The following LATS2 variants were observed in gnomAD, a reference collection of about 807,000 sequenced individuals.
LATS2 encodes the protein large tumor suppressor kinase 2.
A neutral mutation model predicts 76.0 loss-of-function variants in LATS2; 24 were observed. The ratio of observed to expected loss-of-function variants is 0.32; its 90% CI spans 0.23 to 0.44. The LOEUF is 0.44. LATS2 is among the 20% of genes least tolerant of loss of function. LATS2 has a pLI of 1.00. For synonymous variants in LATS2, 692 were observed against 635.4 expected (o/e 1.09, Z -1.34); for missense variants, 1,286 against 1,481.2 (o/e 0.87, Z 2.16).
At chr13:20,990,079 C>G (rs1056370525) in intron 3 of LATS2, among the ~76,000 whole-genome samples, 2 of 152,228 alleles carry the variant, frequency 1.3e-5, no homozygotes, top group African/African-American at 4.8e-5. Flanking sequence ...GAAGACCACC[C>G]CGATACCTGG....
intron 2 of LATS2, among the ~76,000 whole-genome samples, chr13:21,030,869 A>C (rs1928268): frequency 0.76 from 115,311 of 151,684 alleles, 44,097 homozygotes; most frequent in East Asian, 0.88. Flanking sequence ...CCCCCCATAC[A>C]CCCACCCCTT....
chr13:21,023,832 G>T (rs572879469), intron 2 of LATS2, among the ~76,000 whole-genome samples: 1 of 151,800 alleles, frequency 6.6e-6, no homozygotes, highest in East Asian at 1.9e-4. Context: ...AATTAGCTGG[G>T]CATGGTGGCG....
At chr13:20,993,799 G>A (rs141429193) in intron 2 of LATS2, among the ~76,000 whole-genome samples, 18 of 152,180 alleles carry the variant, frequency 1.2e-4, no homozygotes, top group African/African-American at 2.9e-4. Context: ...TCACGTCTAC[G>A]AAGACTCAAC....
At chr13:21,025,100 G>C (rs1872256657) in intron 2 of LATS2, among the ~76,000 whole-genome samples, 1 of 151,954 alleles carries the variant, frequency 6.6e-6, no homozygotes, top group Non-Finnish European at 1.5e-5. Context: ...CTCCCATGAA[G>C]TCTGTAAGAC....
At chr13:21,057,186 G>T (rs1164989434) in intron 1 of LATS2, among the ~76,000 whole-genome samples, 1 of 152,174 alleles carries the variant, frequency 6.6e-6, no homozygotes, top group Non-Finnish European at 1.5e-5. Flanking sequence ...CTGATCAAGG[G>T]TCTATAGGAT....
chr13:20,988,129 G>C lies in LATS2; in HGVS notation c.1651C>G (p.Pro551Ala), dbSNP rs758948258. 6 of 1,614,116 alleles carry C rather than the reference G, an allele frequency of 3.7e-6. No individual in the cohort carries two copies. The highest frequency in any genetic ancestry group is 5.1e-6 in the Non-Finnish European group (6 of 1,180,056). ...EQSLRAGPNE[P>A]EGGDKSRKSA... ...TTGCGGCTCTTGTCGCCGCCCTCGG[G>C]CTCGTTGGGGCCCGCACGGAGGCTC... Residue 551 changes from proline (P) to alanine (A), a missense_variant, in exon 4 of 8, where the codon CCC (proline) becomes GCC (alanine). By Grantham distance (27) the Pro-to-Ala change is conservative. Transcript: ENST00000382592.
Position 20,988,640 on chromosome 13 carries a change from G to C in LATS2, c.1140C>G (p.Ser380=), listed in dbSNP as rs935357275. The change falls in exon 4 of 8, where the codon TCC becomes TCG. Residue 380 remains serine, a synonymous_variant. Coordinates refer to ENST00000382592, the MANE Select transcript of LATS2 (RefSeq NM_014572.3). ...WPAATLARRD[S]LQKPGLEAPP... Reference sequence around the variant, plus strand: ...GCGCCTCCAGGCCCGGCTTCTGCAGGGAGTCCCGGCGGGCCAGGGTGGCAG... The same window carrying C: ...GCGCCTCCAGGCCCGGCTTCTGCAGCGAGTCCCGGCGGGCCAGGGTGGCAG... 1.9e-6 allele frequency: 3 copies of C among 1,585,512 alleles called. No homozygotes were observed. The highest frequency in any genetic ancestry group is 2.6e-6 in the Non-Finnish European group (3 of 1,174,660).
rs1869560189 is a variant in LATS2, at chr13:20,975,330, G to A, written c.2807C>T (p.Ala936Val). 2 of 1,590,182 alleles carry A rather than the reference G, an allele frequency of 1.3e-6. No homozygotes were observed. The highest frequency in any genetic ancestry group is 2.3e-5 in the South Asian group (2 of 88,030). The change falls in exon 8 of 8, where the codon GCC (alanine) becomes GTC (valine). Residue 936 changes from alanine (A) to valine (V), a missense_variant. Physicochemically the swap from Ala to Val is moderately conservative, Grantham distance 64 (BLOSUM62 0). Coordinates refer to ENST00000382592, the MANE Select transcript of LATS2 (RefSeq NM_014572.3). ...INWENTLHIP[A>V]QVKLSPEARD... ...GGCCTCAGGGCTCAGCTTCACCTGG[G>A]CTGGAATGTGGAGCGTGTTCTCCCA...
chr13:21,004,363 G>A (rs1383453504), intron 2 of LATS2, among the ~76,000 whole-genome samples: 1 of 152,000 alleles, frequency 6.6e-6, no homozygotes, highest in Non-Finnish European at 1.5e-5. Context: ...GAACCCAGGA[G>A]GTGGAGGTTG....
At chr13:21,042,641 C>A (rs1383084833) in intron 2 of LATS2, among the ~76,000 whole-genome samples, 2 of 151,934 alleles carry the variant, frequency 1.3e-5, no homozygotes, top group African/African-American at 4.8e-5. Flanking sequence ...GAGCATTGAC[C>A]TCACCACCAC....
intron 2 of LATS2, among the ~76,000 whole-genome samples, chr13:21,032,199 G>C (rs143590005): frequency 1.8e-4 from 27 of 152,304 alleles, no homozygotes; most frequent in African/African-American, 6.0e-4. Context: ...ATAGGTAAGA[G>C]CTATGTGCTG....
intron 2 of LATS2, among the ~76,000 whole-genome samples, chr13:21,029,160 G>A (rs1015331980): frequency 1.3e-5 from 2 of 152,138 alleles, no homozygotes; most frequent in African/African-American, 4.8e-5. Context: ...AATCTTAGAG[G>A]CAAGTTATTT....
At chr13:20,995,914 A>C (rs1870731378) in intron 2 of LATS2, among the ~76,000 whole-genome samples, 1 of 152,202 alleles carries the variant, frequency 6.6e-6, no homozygotes, top group Non-Finnish European at 1.5e-5. Flanking sequence ...GACTTTGATG[A>C]CTTTGTGTCA....
rs922150241 is a variant in LATS2 at position 21,027,933 on chromosome 13, TTTA to T, written c.342+17749_342+17751del. 1.1e-4 allele frequency among the ~76,000 whole-genome samples: 17 copies of T among 152,166 alleles called. No individual in the cohort carries two copies. The East Asian group carries it at 1.2e-3, about 10-fold the overall frequency. On this transcript the variant is annotated intron_variant, in intron 2 of 7. Transcript: ENST00000382592. ...TTATTTATTTATTAATTTTTTATTTTTTATTATTATTATACTTTTAAGTTTTAG... is the reference window on the plus strand; with the variant it reads ...TTATTTATTTATTAATTTTTTATTTTTTATTATTATACTTTTAAGTTTTAG...
rs141606621 is a variant in LATS2, at chr13:20,974,562, T to A, written c.*308A>T. 2.0e-4 allele frequency: 58 copies of A among 295,784 alleles called. No homozygotes were observed. Among genetic ancestry groups the A allele is most frequent in the African/African-American group, 1.1e-3 (51 of 46,824 alleles). The allele number at this position is 295,784 out of a possible 1,614,324, so 18.3% of individuals were successfully genotyped here. A position where few individuals can be genotyped will look rare whatever the true frequency, so the allele number is the denominator to read the frequency against. On this transcript the variant is annotated 3_prime_UTR_variant, in exon 8 of 8. Coordinates refer to ENST00000382592, the MANE Select transcript of LATS2 (RefSeq NM_014572.3). ...CAGCAGCATGATTTGTCAAAGTTAA[T>A]CCCTATAATTTAGTAAGAAAAAATG... is the stretch of plus-strand genomic sequence containing the variant.
At chr13:20,997,671 C>T (rs1410946856) in intron 2 of LATS2, among the ~76,000 whole-genome samples, 2 of 152,238 alleles carry the variant, frequency 1.3e-5, no homozygotes, top group Non-Finnish European at 2.9e-5. Context: ...GACACACCCT[C>T]TGCTCTCTTG....
chr13:20,996,435 G>A (rs1870755497), intron 2 of LATS2, among the ~76,000 whole-genome samples: 1 of 149,242 alleles, frequency 6.7e-6, no homozygotes, highest in African/African-American at 2.5e-5. Context: ...GTGGAGTACA[G>A]TGGCGTAATA....
chr13:20,998,701 G>A (rs936027402), intron 2 of LATS2, among the ~76,000 whole-genome samples: 5 of 152,212 alleles, frequency 3.3e-5, no homozygotes, highest in Non-Finnish European at 5.9e-5. Context: ...CGGCGCTCCC[G>A]GCGATCTTGG....
chr13:21,017,510 G>C (rs772931594), intron 2 of LATS2, among the ~76,000 whole-genome samples: 2 of 151,988 alleles, frequency 1.3e-5, no homozygotes, highest in Non-Finnish European at 2.9e-5. Context: ...CCACAAAACT[G>C]ATTATTTGAT....
Sources: allele counts gnomAD v4.1 joint callset (sites outside exome capture counted in the v4.1 genomes callset), GRCh38; gene constraint gnomAD v4.1.1; transcripts MANE v1.5; gene names NCBI Gene and HGNC (gene_info 2026-07-23, HGNC 2026-07-21).